Variants in FNDC3B observed in about 807,000 individuals in gnomAD.
FNDC3B encodes the protein fibronectin type III domain containing 3B.
FNDC3B carries 12 observed loss-of-function variants against 151.5 expected under a neutral mutation model. The observed-to-expected ratio is 0.08, with a 90% CI of 0.05 to 0.13. The LOEUF is 0.13. Among genes scored for constraint, FNDC3B ranks in the 10% least tolerant of loss-of-function variants. The probability of loss-of-function intolerance (pLI) is 1.00; values close to 1 mark genes in which losing one functional copy is unlikely to be tolerated. For missense variants in FNDC3B, 1,214 were observed against 1,505.3 expected (o/e 0.81, Z 3.20); for synonymous variants, 528 against 549.0 (o/e 0.96, Z 0.54).
chr3:172,308,231 C>G (rs906680832), intron 10 of FNDC3B, among the ~76,000 whole-genome samples: 2 of 152,240 alleles, frequency 1.3e-5, no homozygotes, highest in Non-Finnish European at 1.5e-5. Context: ...TCATGAAACA[C>G]AATTCACTGG....
chr3:172,124,706 C>G (rs1720722531), intron 2 of FNDC3B, among the ~76,000 whole-genome samples: 1 of 152,220 alleles, frequency 6.6e-6, no homozygotes, highest in Non-Finnish European at 1.5e-5. Context: ...TAGTCTCAAT[C>G]CAATCTCAAC....
chr3:172,136,193 C>G (rs12495903), intron 3 of FNDC3B, among the ~76,000 whole-genome samples: 11,113 of 152,154 alleles, frequency 0.073, 750 homozygotes, highest in East Asian at 0.28. Flanking sequence ...AGTTCCTGTT[C>G]CTGGAGTAAC....
At chr3:172,051,090 T>A (rs2108458481) in intron 1 of FNDC3B, among the ~76,000 whole-genome samples, 1 of 151,526 alleles carries the variant, frequency 6.6e-6, no homozygotes, top group South Asian at 2.1e-4. Context: ...CTTCTTTTTT[T>A]TTTTTTTTTG....
intron 3 of FNDC3B, among the ~76,000 whole-genome samples, chr3:172,219,224 T>C (rs6445047): frequency 0.77 from 116,700 of 152,116 alleles, 45,018 homozygotes; most frequent in African/African-American, 0.82. Flanking sequence ...TGAAATGCCT[T>C]CTTGTGTTTA....
At chr3:172,110,234 TG>T (rs1275911407) in intron 1 of FNDC3B, among the ~76,000 whole-genome samples, 1 of 152,192 alleles carries the variant, frequency 6.6e-6, no homozygotes, top group African/African-American at 2.4e-5. Context: ...AGATCACAAC[TG>T]TCTTCTCTTA....
chr3:172,180,984 A>G (rs1270066074), intron 3 of FNDC3B, among the ~76,000 whole-genome samples: 1 of 152,162 alleles, frequency 6.6e-6, no homozygotes, highest in Non-Finnish European at 1.5e-5. Flanking sequence ...GGTGATATTT[A>G]CTTCTTAGAC....
In FNDC3B at chr3:172,399,714, G is replaced by C. The variant is rs1365234573; in HGVS notation, c.*2239G>C. On this transcript the variant is annotated 3_prime_UTR_variant, in exon 26 of 26. Coordinates refer to ENST00000415807, the MANE Select transcript of FNDC3B (RefSeq NM_022763.4). The stretch of plus-strand genomic sequence containing the variant: ...AAATTCCATGCAGGTGTTTTGGGGA[G>C]AGGTATTTTTTAAGCAATGAAAATT... The C allele has an allele frequency of 6.6e-6, 1 of 152,616 alleles. No individual in the cohort carries two copies. The highest frequency in any genetic ancestry group is 1.5e-5 in the Non-Finnish European group (1 of 68,026). The allele number at this position is 152,616 out of a possible 1,614,324, so 9.5% of individuals were successfully genotyped here. A position where few individuals can be genotyped will look rare whatever the true frequency, so the allele number is the denominator to read the frequency against.
At chr3:172,331,927 GA>G (rs1194799095) in intron 13 of FNDC3B, among the ~76,000 whole-genome samples, 1 of 152,064 alleles carries the variant, frequency 6.6e-6, no homozygotes, top group Non-Finnish European at 1.5e-5. Flanking sequence ...TACAACTCTC[GA>G]GCACCTGACA....
intron 3 of FNDC3B, among the ~76,000 whole-genome samples, chr3:172,139,385 C>T (rs1475098558): frequency 2.6e-5 from 4 of 152,156 alleles, no homozygotes; most frequent in African/African-American, 9.7e-5. Flanking sequence ...GCAAAGCATG[C>T]ATATGGTCTC....
chr3:172,283,511 T>C (rs1339377786), intron 6 of FNDC3B, among the ~76,000 whole-genome samples: 1 of 152,188 alleles, frequency 6.6e-6, no homozygotes, highest in African/African-American at 2.4e-5. Flanking sequence ...CTTTTATTAC[T>C]CCAAGGATAG....
At chr3:172,372,831 T>C (rs766039993) in intron 23 of FNDC3B, among the ~76,000 whole-genome samples, 2 of 152,178 alleles carry the variant, frequency 1.3e-5, no homozygotes, top group Non-Finnish European at 2.9e-5. Context: ...CTAGGCTCAG[T>C]GCTGAGGTTT....
chr3:172,322,943 T>G (rs1732162675), intron 11 of FNDC3B, among the ~76,000 whole-genome samples: 1 of 152,202 alleles, frequency 6.6e-6, no homozygotes, highest in South Asian at 2.1e-4. Flanking sequence ...CCAGTTAATG[T>G]CTCTGCCTCA....
At chr3:172,351,808 G>A (rs1409100538) in intron 21 of FNDC3B, among the ~76,000 whole-genome samples, 1 of 152,192 alleles carries the variant, frequency 6.6e-6, no homozygotes, top group Non-Finnish European at 1.5e-5. Flanking sequence ...TCTGAAGGAG[G>A]AGGGAAACCA....
At chr3:172,279,373 T>G (rs1729589958) in intron 6 of FNDC3B, among the ~76,000 whole-genome samples, 1 of 152,208 alleles carries the variant, frequency 6.6e-6, no homozygotes, top group Admixed American at 6.5e-5. Flanking sequence ...AATTCATTTG[T>G]GTTTCTCTCC....
At chr3:172,146,370 C>T (rs1283648807) in intron 3 of FNDC3B, among the ~76,000 whole-genome samples, 1 of 152,052 alleles carries the variant, frequency 6.6e-6, no homozygotes, top group Non-Finnish European at 1.5e-5. Context: ...TATCCTTTTG[C>T]ACATCAGAAT....
chr3:172,144,144 G>T (rs1477209906), intron 3 of FNDC3B, among the ~76,000 whole-genome samples: 4 of 152,088 alleles, frequency 2.6e-5, no homozygotes, highest in African/African-American at 9.7e-5. Context: ...ACGAAGGGGA[G>T]CCAGCGTGTC....
intron 6 of FNDC3B, among the ~76,000 whole-genome samples, chr3:172,252,092 A>G (rs1462446196): frequency 1.3e-5 from 2 of 152,212 alleles, no homozygotes; most frequent in Non-Finnish European, 2.9e-5. Context: ...CACCACATAT[A>G]GGTAGAGAAA....
At chr3:172,181,613 G>A (rs1440304743) in intron 3 of FNDC3B, among the ~76,000 whole-genome samples, 4 of 151,410 alleles carry the variant, frequency 2.6e-5, no homozygotes, top group African/African-American at 7.3e-5. Flanking sequence ...GGCATATCAC[G>A]AGGTCACAAG....
At chr3:172,199,842 G>A (rs1309126954) in intron 3 of FNDC3B, among the ~76,000 whole-genome samples, 2 of 152,172 alleles carry the variant, frequency 1.3e-5, no homozygotes, top group Non-Finnish European at 2.9e-5. Flanking sequence ...GTTAAATTAA[G>A]GAATAAATGT....
Sources: gnomAD v4.1 joint callset for allele counts (sites outside exome capture counted in the v4.1 genomes callset) on GRCh38, gnomAD v4.1.1 for gene constraint, MANE v1.5 for transcripts, NCBI Gene and HGNC (gene_info 2026-07-23, HGNC 2026-07-21) for gene names.